Variants in SUMF1 observed in about 807,000 individuals in gnomAD.
SUMF1 encodes formylglycine-generating enzyme.
In SUMF1, 48 loss-of-function variants were observed where a neutral mutation model predicts 47.6. That is an observed-to-expected ratio of 1.01 (90% CI 0.80 to 1.28). The LOEUF is 1.28. Ranked by LOEUF, SUMF1 falls within the 50% of genes most tolerant of loss-of-function variation. SUMF1 has a pLI of 0.00. For missense variants in SUMF1, 571 were observed against 485.4 expected (o/e 1.18, Z -1.66); for synonymous variants, 230 against 192.1 (o/e 1.20, Z -1.63).
intron 3 of SUMF1, among the ~76,000 whole-genome samples, chr3:4,431,745 C>A: frequency 6.6e-6 from 1 of 152,106 alleles, no homozygotes; most frequent in East Asian, 1.9e-4. Flanking sequence ...AGTCACAGAC[C>A]AAGGTGGGGC....
chr3:4,467,234 G>T lies in SUMF1; in HGVS notation c.12C>A (p.Pro4=). 1 of 1,609,608 alleles carries T rather than the reference G, an allele frequency of 6.2e-7. No individual in the cohort carries two copies. Among genetic ancestry groups the T allele is most frequent in the East Asian group, 2.2e-5 (1 of 44,676 alleles). Residue 4 remains proline (P), a synonymous_variant, in exon 1 of 9, where the codon CCC becomes CCA. Coordinates refer to ENST00000272902, the MANE Select transcript of SUMF1 (RefSeq NM_182760.4). ...AACGTCCACACACCAGCCCTAGTGC[G>T]GGCGCAGCCATGTTGTCCCGCGGGC... MAA[P]ALGLVCGRCP... is the part of the protein sequence containing the mutation.
At chr3:4,243,326 G>C (rs982643198) in intron 8 of SUMF1, among the ~76,000 whole-genome samples, 3 of 151,982 alleles carry the variant, frequency 2.0e-5, no homozygotes, top group African/African-American at 7.3e-5. Flanking sequence ...GTTTGCTCTT[G>C]CTTCTCAGTT....
At position 4,173,839 on chromosome 3, in the gene SUMF1, T is replaced by C. The variant is rs575321150; in HGVS notation, c.1015-105094A>G. ...GTGGGAGTTGAACAATAAGAACACA[T>C]GGACACAGGGAGGGGAACATCACAC... On this transcript the variant is annotated intron_variant and NMD_transcript_variant, in intron 8 of 12. Coordinates refer to the SUMF1 transcript ENST00000448413. Among the ~76,000 whole-genome samples, 20 of 151,870 alleles carry C rather than the reference T, an allele frequency of 1.3e-4. No homozygotes were observed. In the South Asian group the frequency reaches 3.7e-3, roughly 28 times the overall value.
chr3:4,234,734 A>G (rs909518153), intron 8 of SUMF1, among the ~76,000 whole-genome samples: 11 of 152,154 alleles, frequency 7.2e-5, no homozygotes, highest in African/African-American at 2.7e-4. Flanking sequence ...CTTCAGATGC[A>G]GAAGATGAGA....
chr3:4,317,332 A>AGAT, intron 8 of SUMF1: 1 of 823,904 alleles, frequency 1.2e-6, no homozygotes, highest in Admixed American at 2.9e-5. Context: ...ATATCTTCAT[A>AGAT]GATTGAAATA....
chr3:4,350,189 T>TA (rs1575119447), intron 8 of SUMF1, among the ~76,000 whole-genome samples: 1 of 151,758 alleles, frequency 6.6e-6, no homozygotes, highest in African/African-American at 2.4e-5. Context: ...TTTTTAGTAT[T>TA]AAAAAATCAC....
intron 6 of SUMF1, among the ~76,000 whole-genome samples, chr3:4,411,290 G>A (rs911252641): frequency 1.3e-5 from 2 of 152,090 alleles, no homozygotes; most frequent in Admixed American, 6.6e-5. Context: ...GGGTGAGTAG[G>A]GAGAGGATAG....
intron 8 of SUMF1, among the ~76,000 whole-genome samples, chr3:4,102,366 C>T (rs1307887869): frequency 6.6e-6 from 1 of 152,024 alleles, no homozygotes. Context: ...TCAAGAAACC[C>T]TTATTAACAA....
At chr3:4,365,810 C>A (rs1447468875) in intron 8 of SUMF1, among the ~76,000 whole-genome samples, 1 of 151,674 alleles carries the variant, frequency 6.6e-6, no homozygotes, top group Non-Finnish European at 1.5e-5. Flanking sequence ...TCTTCCTAGT[C>A]TCGATGGTCT....
intron 8 of SUMF1, among the ~76,000 whole-genome samples, chr3:4,270,439 C>T (rs181487780): frequency 2.6e-4 from 40 of 152,078 alleles, no homozygotes; most frequent in East Asian, 9.7e-4. Flanking sequence ...CACACATACA[C>T]GCACACACAC....
chr3:4,077,643 C>G (rs147109141), intron 8 of SUMF1, among the ~76,000 whole-genome samples: 3,316 of 152,044 alleles, frequency 0.022, 142 homozygotes, highest in African/African-American at 0.074. Context: ...ACATCACACA[C>G]CAGGGCCTGT....
chr3:4,340,189 G>A (rs1203319359), intron 8 of SUMF1, among the ~76,000 whole-genome samples: 1 of 152,070 alleles, frequency 6.6e-6, no homozygotes, highest in East Asian at 1.9e-4. Context: ...CTGGAGTAGA[G>A]CCTGAGTATC....
At chr3:4,216,040 C>T (rs1395243795) in intron 8 of SUMF1, among the ~76,000 whole-genome samples, 1 of 152,114 alleles carries the variant, frequency 6.6e-6, no homozygotes, top group Non-Finnish European at 1.5e-5. Context: ...GAAAAAACTA[C>T]CTTAAACTTC....
intron 3 of SUMF1, among the ~76,000 whole-genome samples, chr3:4,446,779 G>A (rs1702795510): frequency 6.6e-6 from 1 of 152,150 alleles, no homozygotes. Context: ...CAGACTGCAG[G>A]AAAGTCTCCA....
chr3:4,430,555 A>G (rs1334314344), intron 3 of SUMF1, among the ~76,000 whole-genome samples: 1 of 152,230 alleles, frequency 6.6e-6, no homozygotes, highest in African/African-American at 2.4e-5. Flanking sequence ...GGGTAATGGC[A>G]CATGACTACG....
intron 4 of SUMF1, among the ~76,000 whole-genome samples, 172 bp downstream of exon 4, chr3:4,419,892 T>C (rs1167804442): frequency 1.3e-5 from 2 of 152,212 alleles, no homozygotes; most frequent in Non-Finnish European, 2.9e-5. Context: ...GGTGCAGTGT[T>C]TGGGTCTTTA....
chr3:4,456,601 G>A (rs141842254), intron 1 of SUMF1, among the ~76,000 whole-genome samples: 27 of 136,038 alleles, frequency 2.0e-4, no homozygotes, highest in Middle Eastern at 3.9e-3. Flanking sequence ...ACAGGCACCC[G>A]CCACCACACC....
At chr3:4,252,222 G>A (rs1457133963) in intron 8 of SUMF1, among the ~76,000 whole-genome samples, 1 of 152,134 alleles carries the variant, frequency 6.6e-6, no homozygotes, top group Admixed American at 6.6e-5. Flanking sequence ...ATTAATGGTT[G>A]CCCCATGTCC....
At chr3:4,308,091 GTGCATAT>G (rs1267015246) in intron 8 of SUMF1, among the ~76,000 whole-genome samples, 1 of 152,056 alleles carries the variant, frequency 6.6e-6, no homozygotes, top group Non-Finnish European at 1.5e-5. Flanking sequence ...ATCCCAGTAT[GTGCATAT>G]TGCAGACAGT....
Sources: allele counts gnomAD v4.1 joint callset (sites outside exome capture counted in the v4.1 genomes callset), GRCh38; gene constraint gnomAD v4.1.1; transcripts MANE v1.5; gene names NCBI Gene and HGNC (gene_info 2026-07-23, HGNC 2026-07-21).